Variants in PGLYRP4 observed in about 807,000 individuals in gnomAD.
The protein encoded by PGLYRP4 is PGRP-I-beta.
A neutral mutation model predicts 41.2 loss-of-function variants in PGLYRP4; 39 were observed. The ratio of observed to expected loss-of-function variants is 0.95; its 90% CI spans 0.73 to 1.24. The LOEUF (loss-of-function observed/expected upper bound fraction) is 1.24, where lower values mean the gene tolerates loss of function less well. PGLYRP4 is among the 50% of genes most tolerant of loss of function. The pLI is 0.00. For synonymous variants in PGLYRP4, 202 were observed against 186.8 expected, an observed-to-expected ratio of 1.08 and a Z score of -0.66; for missense variants, 467 against 460.7, an observed-to-expected ratio of 1.01 and a Z score of -0.13.
At chr1:153,336,369 C>CAAAAAAAAAAAAAAAAAAAAA (rs58665160) in intron 8 of PGLYRP4, among the ~76,000 whole-genome samples, 4 of 76,498 alleles carry the variant, frequency 5.2e-5, no homozygotes, top group African/African-American at 1.1e-4. Flanking sequence ...GACTCCATCT[C>CAAAAAAAAAAAAAAAAAAAAA]AAAAAAAAAA....
chr1:153,339,145 A>G (rs1405853867), intron 7 of PGLYRP4, among the ~76,000 whole-genome samples: 1 of 152,136 alleles, frequency 6.6e-6, no homozygotes, highest in Non-Finnish European at 1.5e-5. Context: ...ACAGGCAACT[A>G]CCCTCTGAGA....
rs1660954218 is a variant in PGLYRP4 at position 153,345,219 on chromosome 1, T to C, written c.303A>G (p.Glu101=). 6.2e-7 allele frequency: 1 copy of C among 1,614,058 alleles called. No homozygotes were observed. The highest frequency in any genetic ancestry group is 8.5e-7 in the Non-Finnish European group (1 of 1,180,036). Reference sequence around the variant, plus strand: ...TGTTGTGGACATGATGGGCCTGCAGTTCCCGCAGTCTCTGGCTGCAGACTG... The same window carrying C: ...TGTTGTGGACATGATGGGCCTGCAGCTCCCGCAGTCTCTGGCTGCAGACTG... ...DQTVCSQRLR[E]LQAHHVHNNS... Residue 101 remains glutamate, a synonymous_variant, in exon 4 of 9, where the codon GAA becomes GAG. Coordinates refer to ENST00000359650, the MANE Select transcript of PGLYRP4 (RefSeq NM_020393.4).
In PGLYRP4 at chr1:153,340,492, AT is replaced by A. The variant is rs780795432; in HGVS notation, c.712del (p.Ile238LeufsTer27). ...RMTLPAKYGI[I>X]IHTAGRTCNI... is the part of the protein sequence containing the mutation. ...GCAGGTCCTCCCGGCAGTGTGGATA[AT>A]GATGCCATACTTCGCTGGGAGAGTC... is the stretch of plus-strand genomic sequence containing the variant. On this transcript the variant is annotated frameshift_variant, in exon 7 of 9. Coordinates refer to ENST00000359650, the MANE Select transcript of PGLYRP4 (RefSeq NM_020393.4). LOFTEE classifies it high-confidence loss of function. 11 of 1,614,050 alleles carry A rather than the reference AT, an allele frequency of 6.8e-6. No homozygotes were observed. In the African/African-American group the frequency reaches 9.3e-5, roughly 14 times the overall value.
intron 5 of PGLYRP4, among the ~76,000 whole-genome samples, chr1:153,342,736 G>A (rs1478070857): frequency 6.6e-6 from 1 of 151,806 alleles, no homozygotes; most frequent in Non-Finnish European, 1.5e-5. Context: ...CACAGCCACA[G>A]AATGGTCAGA....
intron 6 of PGLYRP4, 51 bp downstream of exon 6, chr1:153,341,576 A>T: frequency 6.5e-7 from 1 of 1,532,706 alleles, no homozygotes; most frequent in Non-Finnish European, 8.9e-7. Flanking sequence ...TTTGCGAGTT[A>T]GTTGGGGTGA....
At chr1:153,332,432 G>A (rs1660377477) in intron 8 of PGLYRP4, among the ~76,000 whole-genome samples, 1 of 151,956 alleles carries the variant, frequency 6.6e-6, no homozygotes, top group African/African-American at 2.4e-5. Context: ...AATAATAGTG[G>A]AGAGCTTCAA....
rs1021415725 is a variant in PGLYRP4 at position 153,334,454 on chromosome 1, ATATATATATTTATT to A, written c.943+2713_943+2726del. On this transcript the variant is annotated intron_variant, in intron 8 of 8. Coordinates refer to ENST00000359650, the MANE Select transcript of PGLYRP4 (RefSeq NM_020393.4). ...AGTATGTGTATGTGTGTGTATAAAT[ATATATATATTTATT>A]TATATATATTTATATATATATACAC... Among the ~76,000 whole-genome samples the A allele has an allele frequency of 8.0e-3, 1,082 of 135,482 alleles. 17 individuals are homozygous for A. Among genetic ancestry groups the A allele is most frequent in the African/African-American group, 0.027 (1,021 of 37,920 alleles). 88.9% of individuals were successfully genotyped at this position (135,482 alleles called of 152,430 possible). A position where few individuals can be genotyped will look rare whatever the true frequency, so the allele number is the denominator to read the frequency against.
At position 153,330,726 on chromosome 1, in the gene PGLYRP4, C is replaced by G. The variant is rs758321609; in HGVS notation, c.*41G>C. ...GATGGTTAGGACAGGAGAGACCTGA[C>G]AGGGGAGGGAAAGCAGTCTCAGAAG... On this transcript the variant is annotated 3_prime_UTR_variant, in exon 9 of 9. Coordinates refer to ENST00000359650, the MANE Select transcript of PGLYRP4 (RefSeq NM_020393.4). 1 of 1,572,676 alleles carries G rather than the reference C, an allele frequency of 6.4e-7. No individual in the cohort carries two copies.
rs1660867419 is a variant in PGLYRP4, at chr1:153,343,170, A to T, written c.392T>A (p.Val131Asp). The stretch of plus-strand genomic sequence containing the variant: ...GTGCACTCCTTGGATATTCCAGCCA[A>T]CACCTTCATACACCCTGCCATCATC... ...VGDDGRVYEG[V>D]GWNIQGVHTQ... Residue 131 changes from valine to aspartate, a missense_variant, in exon 5 of 9, where the codon GTT (valine) becomes GAT (aspartate). Physicochemically the swap from Val to Asp is radical, Grantham distance 152. Transcript: ENST00000359650. 4 of 1,613,702 alleles carry T rather than the reference A, an allele frequency of 2.5e-6. No individual in the cohort carries two copies. The highest frequency in any genetic ancestry group is 1.7e-5 in the Admixed American group (1 of 60,000).
intron 6 of PGLYRP4, 40 bp downstream of exon 6, chr1:153,341,587 G>A: frequency 6.3e-7 from 1 of 1,578,900 alleles, no homozygotes; most frequent in Non-Finnish European, 8.6e-7. Context: ...GTTGGGGTGA[G>A]CCCAGTGGCA....
At chr1:153,335,745 A>ATAAATAAC (rs1660531743) in intron 8 of PGLYRP4, among the ~76,000 whole-genome samples, 1 of 152,122 alleles carries the variant, frequency 6.6e-6, no homozygotes, top group African/African-American at 2.4e-5. Context: ...AAATAAATAA[A>ATAAATAAC]TAAATAAGTC....
chr1:153,339,484 A>G (rs821432), intron 7 of PGLYRP4, among the ~76,000 whole-genome samples: 141,303 of 152,288 alleles, frequency 0.93, 65,632 homozygotes, highest in African/African-American at 0.98. Flanking sequence ...CTAGAGTTAA[A>G]GGTTCCTTCT....
In PGLYRP4 at chr1:153,341,764, G is replaced by A. The variant is rs755602077; in HGVS notation, c.488C>T (p.Pro163Leu). ...GTTTTCCATGGCCGACAGGGCAGCAGGGCTGGGACTGTGGCCTAGAAGAGA... is the reference window on the plus strand; with the variant it reads ...GTTTTCCATGGCCGACAGGGCAGCAAGGCTGGGACTGTGGCCTAGAAGAGA... ...FGTKKGHSPS[P>L]AALSAMENLI... The change falls in exon 6 of 9, where the codon CCT (proline) becomes CTT (leucine). Residue 163 changes from proline (P) to leucine (L), a missense_variant. By Grantham distance (98) the Pro-to-Leu change is moderately conservative. Transcript: ENST00000359650. The A allele has an allele frequency of 3.0e-5, 49 of 1,613,500 alleles. No individual in the cohort carries two copies. The highest frequency in any genetic ancestry group is 3.9e-5 in the Non-Finnish European group (46 of 1,179,910).
chr1:153,338,350 A>G (rs993974734), intron 7 of PGLYRP4, among the ~76,000 whole-genome samples: 1 of 152,170 alleles, frequency 6.6e-6, no homozygotes, highest in Non-Finnish European at 1.5e-5. Flanking sequence ...CTCTGCTACC[A>G]TCACAGGGAT....
intron 8 of PGLYRP4, among the ~76,000 whole-genome samples, chr1:153,335,902 C>G (rs1178390795): frequency 6.6e-6 from 1 of 152,032 alleles, no homozygotes; most frequent in African/African-American, 2.4e-5. Flanking sequence ...CAAATAGTAT[C>G]AACCCAAAGA....
intron 7 of PGLYRP4, among the ~76,000 whole-genome samples, chr1:153,339,118 A>G (rs879811813): frequency 2.0e-5 from 3 of 152,254 alleles, no homozygotes; most frequent in Non-Finnish European, 4.4e-5. Context: ...GATACAGTAC[A>G]AGGTCCAAGT....
At chr1:153,347,381 GT>G (rs1185783944) in intron 2 of PGLYRP4, among the ~76,000 whole-genome samples, 15 of 151,972 alleles carry the variant, frequency 9.9e-5, no homozygotes, top group Middle Eastern at 3.4e-3. Context: ...TGGTTTGTTT[GT>G]TTTTTGAGAC....
intron 2 of PGLYRP4, among the ~76,000 whole-genome samples, chr1:153,346,739 C>G (rs1323828146): frequency 1.3e-5 from 2 of 152,220 alleles, no homozygotes; most frequent in African/African-American, 4.8e-5. Flanking sequence ...AGCACAAACC[C>G]AAGCCATAGG....
At chr1:153,345,693 G>A (rs1352995002) in intron 3 of PGLYRP4, among the ~76,000 whole-genome samples, 3 of 152,228 alleles carry the variant, frequency 2.0e-5, no homozygotes, top group African/African-American at 7.2e-5. Flanking sequence ...AAAGCCCTGA[G>A]CAGCCTGGCT....
Sources: allele counts gnomAD v4.1 joint callset (sites outside exome capture counted in the v4.1 genomes callset), GRCh38; gene constraint gnomAD v4.1.1; transcripts MANE v1.5; gene names NCBI Gene and HGNC (gene_info 2026-07-23, HGNC 2026-07-21).